Variants in RBM44 observed in about 807,000 individuals in gnomAD.
RBM44 encodes the protein RNA binding motif protein 44, also known as RNA-binding protein 44.
In RBM44, 66 loss-of-function variants were observed where a neutral mutation model predicts 105.1. The observed-to-expected ratio is 0.63, with a 90% CI of 0.52 to 0.77. The LOEUF (loss-of-function observed/expected upper bound fraction) is 0.77, where lower values mean the gene tolerates loss of function less well. Among genes scored for constraint, RBM44 ranks in the 30% least tolerant of loss-of-function variants. The pLI is 0.00. For missense variants in RBM44, 1,122 were observed against 1,207.8 expected (o/e 0.93, Z 1.05); for synonymous variants, 365 against 417.6 (o/e 0.87, Z 1.54).
Position 237,813,787 on chromosome 2 carries a change from C to T in RBM44, c.73+105C>T, listed in dbSNP as rs1436382687. 1.5e-5 allele frequency: 11 copies of T among 713,562 alleles called. No homozygotes were observed. In the Admixed American group the frequency reaches 2.7e-4, roughly 18 times the overall value. 44.2% of individuals were successfully genotyped at this position (713,562 alleles called of 1,614,324 possible). On this transcript the variant is annotated intron_variant, in intron 2 of 15. Coordinates refer to ENST00000316997, the MANE Select transcript of RBM44 (RefSeq NM_001080504.3). ...GTTGCTGCTTTTTAACTCTTCCTCC[C>T]TCTAAGGTGGTAAGACTCAGTATAT...
chr2:237,828,205 A>T (rs115062344), intron 12 of RBM44, among the ~76,000 whole-genome samples: 1,818 of 152,250 alleles, frequency 0.012, 27 homozygotes, highest in African/African-American at 0.04. Context: ...CGATAGCTTA[A>T]TGGAAATTTT....
chr2:237,840,567 TGACAAATGG>T (rs773330007), intron 15 of RBM44, among the ~76,000 whole-genome samples: 3 of 152,014 alleles, frequency 2.0e-5, no homozygotes, highest in Non-Finnish European at 4.4e-5. Flanking sequence ...ACAAAAAAAT[TGACAAATGG>T]GACCTAATTA....
chr2:237,803,320 T>C lies in RBM44; in HGVS notation c.-19+4459T>C, dbSNP rs2061565091. 1.4e-5 allele frequency among the ~76,000 whole-genome samples: 2 copies of C among 147,952 alleles called. No homozygotes were observed. The highest frequency in any genetic ancestry group is 3.0e-5 in the Non-Finnish European group (2 of 66,906). The stretch of plus-strand genomic sequence containing the variant: ...AGAGCGAGACACACACACACACACA[T>C]ACTCTCTCTCTCACACACACACACA... On this transcript the variant is annotated intron_variant, in intron 1 of 15. Transcript: ENST00000316997. The surrounding 1 kb of genome is among the most constrained non-coding windows in gnomAD (Gnocchi z 4.2).
At position 237,817,678 on chromosome 2, in the gene RBM44, T is replaced by C. The variant is rs2061735203; in HGVS notation, c.759T>C (p.Tyr253=). 1 of 1,612,596 alleles carries C rather than the reference T, an allele frequency of 6.2e-7. No individual in the cohort carries two copies. The change falls in exon 3 of 16, where the codon TAT becomes TAC. Residue 253 remains tyrosine (Y), a synonymous_variant. Coordinates refer to ENST00000316997, the MANE Select transcript of RBM44 (RefSeq NM_001080504.3). ...SIISFDSLDV[Y]GQEESLHVSK... is the part of the protein sequence containing the mutation. ...TCTCTTTCGATTCACTTGATGTTTA[T>C]GGACAAGAAGAGTCACTTCATGTCT...
At chr2:237,837,221 G>C (rs73086791) in intron 15 of RBM44, among the ~76,000 whole-genome samples, 5 of 151,898 alleles carry the variant, frequency 3.3e-5, no homozygotes, top group Non-Finnish European at 7.4e-5. Flanking sequence ...AATTAATGGG[G>C]TTTTTTTTAT....
chr2:237,801,157 T>C lies in RBM44; in HGVS notation c.-19+2296T>C, dbSNP rs544880176. Among the ~76,000 whole-genome samples, 26 of 152,238 alleles carry C rather than the reference T, an allele frequency of 1.7e-4. No homozygotes were observed. The South Asian group carries it at 5.2e-3, about 30-fold the overall frequency. On this transcript the variant is annotated intron_variant, in intron 1 of 15. Coordinates refer to ENST00000316997, the MANE Select transcript of RBM44 (RefSeq NM_001080504.3). Reference sequence around the variant, plus strand: ...CATCCTGGGCAGCATGGTGAAGCCCTGTCTCTACAAAAAAGTTATCCAGGC... The same window carrying C: ...CATCCTGGGCAGCATGGTGAAGCCCCGTCTCTACAAAAAAGTTATCCAGGC...
intron 15 of RBM44, among the ~76,000 whole-genome samples, chr2:237,835,606 T>A (rs1452608827): frequency 6.6e-6 from 1 of 152,138 alleles, no homozygotes; most frequent in Non-Finnish European, 1.5e-5. Context: ...GTGTAGAAGA[T>A]CATAGCAGCC....
intron 8 of RBM44, among the ~76,000 whole-genome samples, chr2:237,822,527 C>T (rs2061803987): frequency 6.6e-6 from 1 of 151,958 alleles, no homozygotes; most frequent in South Asian, 2.1e-4. Flanking sequence ...TAATATTAAT[C>T]CCCCAAGATG....
chr2:237,826,576 G>T (rs537560131), intron 10 of RBM44, among the ~76,000 whole-genome samples: 1 of 152,004 alleles, frequency 6.6e-6, no homozygotes, highest in Non-Finnish European at 1.5e-5. Context: ...CCCCAGCAAC[G>T]GAATGTGCAT....
intron 8 of RBM44, 61 bp downstream of exon 8, chr2:237,821,888 A>G: frequency 8.6e-7 from 1 of 1,157,440 alleles, no homozygotes; most frequent in Non-Finnish European, 1.3e-6. Context: ...CGTAAAGTAA[A>G]TCATAATTTT....
intron 13 of RBM44, among the ~76,000 whole-genome samples, chr2:237,829,872 T>C (rs954472337): frequency 1.1e-4 from 16 of 152,358 alleles, no homozygotes; most frequent in African/African-American, 3.1e-4. Context: ...TATTTTCATA[T>C]ATTCTCATGT....
chr2:237,799,776 A>G (rs576843384), intron 1 of RBM44, among the ~76,000 whole-genome samples: 15 of 152,284 alleles, frequency 9.9e-5, no homozygotes, highest in Non-Finnish European at 2.1e-4. Flanking sequence ...AGCGTAACTG[A>G]TTCGATAAGC....
At position 237,818,524 on chromosome 2, in the gene RBM44, G is replaced by A. The variant is rs769149647; in HGVS notation, c.1605G>A (p.Met535Ile). Residue 535 changes from methionine to isoleucine, a missense_variant, in exon 3 of 16, where the codon ATG becomes ATA. Coordinates refer to ENST00000316997, the MANE Select transcript of RBM44 (RefSeq NM_001080504.3). This position sits in a 1 kb window ranked among gnomAD's most constrained non-coding sequence, Gnocchi z 4.6. The stretch of plus-strand genomic sequence containing the variant: ...GTGAAGATTGTATAGATACACAGAT[G>A]GCTATAACAAAAGGATCAGGAAAAT... ...SYSEDCIDTQ[M>I]AITKGSGKSL... The A allele has an allele frequency of 6.2e-7, 1 of 1,603,658 alleles. No homozygotes were observed. The highest frequency in any genetic ancestry group is 8.5e-7 in the Non-Finnish European group (1 of 1,175,278).
At chr2:237,815,227 G>T (rs1036390034) in intron 2 of RBM44, among the ~76,000 whole-genome samples, 1 of 152,048 alleles carries the variant, frequency 6.6e-6, no homozygotes, top group African/African-American at 2.4e-5. Context: ...AGAAAACAAA[G>T]AATTAGTATC....
intron 15 of RBM44, among the ~76,000 whole-genome samples, chr2:237,835,100 A>G (rs1007509792): frequency 7.9e-5 from 12 of 152,136 alleles, no homozygotes; most frequent in African/African-American, 2.9e-4. Context: ...TGACGCCTGT[A>G]TGGTGATTGT....
At chr2:237,835,225 TC>T (rs1022203660) in intron 15 of RBM44, among the ~76,000 whole-genome samples, 215 of 152,282 alleles carry the variant, frequency 1.4e-3, no homozygotes, top group African/African-American at 4.9e-3. Flanking sequence ...ACTGGCTGTT[TC>T]CCCATCTCTT....
At position 237,798,950 on chromosome 2, in the gene RBM44, C is replaced by T. The variant is rs1209896197; in HGVS notation, c.-19+89C>T. On this transcript the variant is annotated intron_variant, in intron 1 of 15. Coordinates refer to ENST00000316997, the MANE Select transcript of RBM44 (RefSeq NM_001080504.3). The surrounding 1 kb of genome is among the most constrained non-coding windows in gnomAD (Gnocchi z 4.3). ...GGCTTGAGCGGTCGGGGTTGGCGAA[C>T]CCCGCGTGTGGCCGGTCCCGGCGGC... 1 of 152,046 alleles carries T rather than the reference C, an allele frequency of 6.6e-6. No homozygotes were observed. The highest frequency in any genetic ancestry group is 2.4e-5 in the African/African-American group (1 of 41,416). 9.4% of individuals were successfully genotyped at this position (152,046 alleles called of 1,614,324 possible).
chr2:237,839,881 A>T (rs1011331132), intron 15 of RBM44, among the ~76,000 whole-genome samples: 3 of 152,158 alleles, frequency 2.0e-5, no homozygotes, highest in African/African-American at 7.2e-5. Context: ...TATAAATCAT[A>T]TATCTGATAA....
At chr2:237,800,942 C>A (rs1264340245) in intron 1 of RBM44, among the ~76,000 whole-genome samples, 1 of 152,202 alleles carries the variant, frequency 6.6e-6, no homozygotes, top group Non-Finnish European at 1.5e-5. Flanking sequence ...TAGTCTCAAA[C>A]TCCTGACCTC....
Sources: gnomAD v4.1 joint callset for allele counts (sites outside exome capture counted in the v4.1 genomes callset) on GRCh38, gnomAD v4.1.1 for gene constraint, Gnocchi (gnomAD v3.1) non-coding constraint, MANE v1.5 for transcripts, NCBI Gene and HGNC (gene_info 2026-07-23, HGNC 2026-07-21) for gene names.